Variants in PLXDC2 observed in about 807,000 individuals in gnomAD.
PLXDC2 encodes plexin domain containing 2, also known as plexin domain-containing protein 2.
A neutral mutation model predicts 68.9 loss-of-function variants in PLXDC2; 40 were observed. The ratio of observed to expected loss-of-function variants is 0.58; its 90% CI spans 0.45 to 0.76. The LOEUF is 0.76. PLXDC2 is among the 30% of genes least tolerant of loss of function. The pLI, the probability that PLXDC2 is intolerant of heterozygous loss-of-function variation, is 0.00. For missense variants in PLXDC2, 644 were observed against 661.9 expected, an observed-to-expected ratio of 0.97 and a Z score of 0.30; for synonymous variants, 243 against 234.2, an observed-to-expected ratio of 1.04 and a Z score of -0.34.
At chr10:19,848,030 G>GA (rs1239943311) in intron 1 of PLXDC2, among the ~76,000 whole-genome samples, 1 of 152,102 alleles carries the variant, frequency 6.6e-6, no homozygotes, top group East Asian at 1.9e-4. Flanking sequence ...TCATACATTA[G>GA]AAATTGAAGT....
rs1240387770 is a variant in PLXDC2 at position 19,816,487 on chromosome 10, T to A, written c.-593T>A. On this transcript the variant is annotated 5_prime_UTR_variant, in exon 1 of 14. Coordinates refer to ENST00000377252, the MANE Select transcript of PLXDC2 (RefSeq NM_032812.9). ...TCAGCTCTTTGGAGCTGCCCATTCCTCCGGCTGCGAGAAAGGACGCGCGCC... is the reference window on the plus strand; with the variant it reads ...TCAGCTCTTTGGAGCTGCCCATTCCACCGGCTGCGAGAAAGGACGCGCGCC... 6.7e-6 allele frequency: 1 copy of A among 148,716 alleles called. No homozygotes were observed. The highest frequency in any genetic ancestry group is 1.5e-5 in the Non-Finnish European group (1 of 67,970). 9.2% of individuals were successfully genotyped at this position (148,716 alleles called of 1,614,324 possible).
At chr10:20,131,081 G>C (rs1414410444) in intron 4 of PLXDC2, among the ~76,000 whole-genome samples, 1 of 151,826 alleles carries the variant, frequency 6.6e-6, no homozygotes, top group Non-Finnish European at 1.5e-5. Flanking sequence ...ATGTTTGGTA[G>C]AATTTACCCC....
At chr10:20,115,795 C>T (rs971344983) in intron 4 of PLXDC2, among the ~76,000 whole-genome samples, 10 of 152,036 alleles carry the variant, frequency 6.6e-5, no homozygotes, top group African/African-American at 2.2e-4. Flanking sequence ...TATAGGCTTG[C>T]CCCAGTTTCG....
chr10:20,179,924 T>A (rs1014144291), intron 9 of PLXDC2, among the ~76,000 whole-genome samples: 5 of 152,090 alleles, frequency 3.3e-5, no homozygotes, highest in Non-Finnish European at 4.4e-5. Flanking sequence ...CACCCAGCTT[T>A]TGGTCTTGTG....
intron 5 of PLXDC2, among the ~76,000 whole-genome samples, chr10:20,146,485 C>A (rs1305055524): frequency 2.6e-4 from 10 of 38,664 alleles, no homozygotes; most frequent in African/African-American, 8.9e-4. Flanking sequence ...CTTTTCTTTT[C>A]TTTTTCCTTC....
Position 19,817,209 on chromosome 10 carries a change from T to C in PLXDC2, c.112+18T>C, listed in dbSNP as rs1327935145. 9 of 1,546,664 alleles carry C rather than the reference T, an allele frequency of 5.8e-6. No homozygotes were observed. Among genetic ancestry groups the C allele is most frequent in the African/African-American group, 1.4e-5 (1 of 72,948 alleles). On this transcript the variant is annotated intron_variant, in intron 1 of 13. Transcript: ENST00000377252. ...AATCCTTGGTAAGTAAGATGCACTTTAGCTTGCTGATTTTGTGCGCAGCTG... is the reference window on the plus strand; with the variant it reads ...AATCCTTGGTAAGTAAGATGCACTTCAGCTTGCTGATTTTGTGCGCAGCTG...
chr10:19,984,981 A>T, intron 1 of PLXDC2, among the ~76,000 whole-genome samples: 1 of 152,246 alleles, frequency 6.6e-6, no homozygotes, highest in East Asian at 1.9e-4. Flanking sequence ...CTCTTGTAAA[A>T]GGAAATTGCA....
At chr10:20,160,108 A>G (rs1258719451) in intron 6 of PLXDC2, among the ~76,000 whole-genome samples, 1 of 152,208 alleles carries the variant, frequency 6.6e-6, no homozygotes. Flanking sequence ...ATAATACAGA[A>G]AATATATTCA....
intron 1 of PLXDC2, among the ~76,000 whole-genome samples, chr10:19,929,037 G>A (rs1345283900): frequency 1.3e-5 from 2 of 151,288 alleles, no homozygotes; most frequent in Admixed American, 6.6e-5. Flanking sequence ...TTACAGATGT[G>A]AGCCACCATG....
Position 19,817,007 on chromosome 10 carries a change from T to C in PLXDC2, c.-73T>C, listed in dbSNP as rs989767. 0.7 allele frequency: 807,505 copies of C among 1,150,348 alleles called. 286,912 individuals are homozygous for C. The highest frequency in any genetic ancestry group is 0.92 in the African/African-American group (59,944 of 65,388). The allele number at this position is 1,150,348 out of a possible 1,614,324, so 71.3% of individuals were successfully genotyped here. On this transcript the variant is annotated 5_prime_UTR_variant, in exon 1 of 14. Coordinates refer to ENST00000377252, the MANE Select transcript of PLXDC2 (RefSeq NM_032812.9). ...CGATCCGCAGCGTTTGGCCCGGTCGTGCCTATTGCATCGGGAGCCCCCGAG... is the reference window on the plus strand; with the variant it reads ...CGATCCGCAGCGTTTGGCCCGGTCGCGCCTATTGCATCGGGAGCCCCCGAG...
chr10:20,069,062 G>A (rs958322585), intron 4 of PLXDC2, among the ~76,000 whole-genome samples: 22 of 152,168 alleles, frequency 1.4e-4, no homozygotes, highest in Admixed American at 9.2e-4. Flanking sequence ...GAGGCTGTGA[G>A]CATCTATGCC....
chr10:19,876,240 A>G (rs1422124691), intron 1 of PLXDC2, among the ~76,000 whole-genome samples: 1 of 152,210 alleles, frequency 6.6e-6, no homozygotes, highest in African/African-American at 2.4e-5. Context: ...GAGTTTTGCT[A>G]TCTTTGAAAT....
At position 19,959,476 on chromosome 10, in the gene PLXDC2, C is replaced by A. The variant is rs183273174; in HGVS notation, c.113-42299C>A. The stretch of plus-strand genomic sequence containing the variant: ...TTTGTAGCAGTGAGTTTATTTGGTG[C>A]CTTTCTTAGCAAGGACATTGTCCAA... On this transcript the variant is annotated intron_variant, in intron 1 of 13. Transcript: ENST00000377252. Among the ~76,000 whole-genome samples the A allele has an allele frequency of 2.6e-3, 390 of 152,188 alleles. 3 individuals are homozygous for A. The highest frequency in any genetic ancestry group is 2.3e-3 in the Non-Finnish European group (155 of 68,002).
rs1161261591 is a variant in PLXDC2, at chr10:20,259,953, A to G, written c.1473+14448A>G. ...AAATAAAAAAAGGAAGAAGATTCCT[A>G]TAAAAGCTGGGGAAGGGAAGGGAGT... On this transcript the variant is annotated intron_variant, in intron 13 of 13. Transcript: ENST00000377252. Among the ~76,000 whole-genome samples, 4 of 152,208 alleles carry G rather than the reference A, an allele frequency of 2.6e-5. No homozygotes were observed. The East Asian group carries it at 5.8e-4, about 22-fold the overall frequency.
intron 4 of PLXDC2, among the ~76,000 whole-genome samples, chr10:20,094,631 T>C (rs1833324592): frequency 6.6e-6 from 1 of 152,190 alleles, no homozygotes; most frequent in Admixed American, 6.5e-5. Flanking sequence ...TGTCATTTTA[T>C]GTGCATCCTA....
At chr10:19,885,405 G>A (rs1837823972) in intron 1 of PLXDC2, among the ~76,000 whole-genome samples, 2 of 152,206 alleles carry the variant, frequency 1.3e-5, no homozygotes, top group South Asian at 2.1e-4. Flanking sequence ...TGCTTTTGGT[G>A]TTTTAGACAT....
At chr10:20,142,390 A>G (rs12217554) in intron 4 of PLXDC2, among the ~76,000 whole-genome samples, 29,139 of 152,002 alleles carry the variant, frequency 0.19, 3,426 homozygotes, top group East Asian at 0.4. Flanking sequence ...TTAGATTAAT[A>G]TTAAAATTAG....
chr10:20,029,618 T>C (rs1217611521), intron 2 of PLXDC2, among the ~76,000 whole-genome samples: 1 of 152,154 alleles, frequency 6.6e-6, no homozygotes, highest in Non-Finnish European at 1.5e-5. Flanking sequence ...GAACAAATAC[T>C]TCTTGGGCTG....
intron 1 of PLXDC2, among the ~76,000 whole-genome samples, chr10:19,842,155 G>A (rs1836921759): frequency 6.6e-6 from 1 of 152,098 alleles, no homozygotes; most frequent in South Asian, 2.1e-4. Context: ...GTGCATGCCT[G>A]TGATCTCAGC....
Sources: gnomAD v4.1 joint callset for allele counts (sites outside exome capture counted in the v4.1 genomes callset) on GRCh38, gnomAD v4.1.1 for gene constraint, MANE v1.5 for transcripts, NCBI Gene and HGNC (gene_info 2026-07-23, HGNC 2026-07-21) for gene names.